ZNF233: variants seen among roughly 807,000 people sequenced by gnomAD.
ZNF233 encodes the protein zinc finger protein 233.
Under a neutral mutation model 11.6 loss-of-function variants are expected in ZNF233, and 7 were observed. The ratio of observed to expected loss-of-function variants is 0.60; its 90% CI spans 0.34 to 1.13. The LOEUF is 1.13. Ranked by LOEUF, ZNF233 falls within the 50% of genes most tolerant of loss-of-function variation. The pLI is 0.03. For missense variants in ZNF233, 711 were observed against 785.5 expected (o/e 0.91, Z 1.13); for synonymous variants, 226 against 268.5 (o/e 0.84, Z 1.55).
chr19:44,274,077 AT>A lies in ZNF233; in HGVS notation c.1418del (p.Ile473ThrfsTer233). On this transcript the variant is annotated frameshift_variant, in exon 5 of 5. Transcript: ENST00000683810. LOFTEE classifies it low-confidence loss of function (END_TRUNC). ...CTCAAATCTTCAAGCCCATCAGAGA[AT>A]CCACACTGGAGAGAAACCCTACAAA... is the stretch of plus-strand genomic sequence containing the variant. ...KASNLQAHQR[I>X]HTGEKPYKCD... is the part of the protein sequence containing the mutation. The A allele has an allele frequency of 1.9e-6, 3 of 1,596,646 alleles. No homozygotes were observed. The highest frequency in any genetic ancestry group is 2.5e-6 in the Non-Finnish European group (3 of 1,179,204).
Position 44,273,645 on chromosome 19 carries a change from C to T in ZNF233, c.985C>T (p.Leu329=), listed in dbSNP as rs770419326. 2 of 1,614,120 alleles carry T rather than the reference C, an allele frequency of 1.2e-6. No homozygotes were observed. Among genetic ancestry groups the T allele is most frequent in the Admixed American group, 1.7e-5 (1 of 60,010 alleles). ...TGAGGGCTTCAGTCAGGGCTCACATCTGCAACCTCATCAGAGAGTCAGCAC... is the reference window on the plus strand; with the variant it reads ...TGAGGGCTTCAGTCAGGGCTCACATTTGCAACCTCATCAGAGAGTCAGCAC... ...SGEGFSQGSH[L]QPHQRVSTGE... Residue 329 remains leucine (L), a synonymous_variant, in exon 5 of 5, where the codon CTG becomes TTG. Coordinates refer to ENST00000683810, the MANE Select transcript of ZNF233 (RefSeq NM_001207005.2).
chr19:44,263,570 C>T (rs1337468059), intron 1 of ZNF233, among the ~76,000 whole-genome samples: 1 of 152,096 alleles, frequency 6.6e-6, no homozygotes, highest in African/African-American at 2.4e-5. Flanking sequence ...GGAGATACAC[C>T]ATTGAGACTC....
chr19:44,266,237 A>G lies in ZNF233; in HGVS notation c.55A>G (p.Arg19Gly), dbSNP rs746805814. The change falls in exon 3 of 5, where the codon AGG (arginine) becomes GGG (glycine). Residue 19 changes from arginine to glycine, a missense_variant. By Grantham distance (125) the Arg-to-Gly change is moderately radical (BLOSUM62 -2). Coordinates refer to ENST00000683810, the MANE Select transcript of ZNF233 (RefSeq NM_001207005.2). ...TFKDVAVVFT[R>G]EELGLLDLAQ... Reference sequence around the variant, plus strand: ...CAAGGATGTGGCTGTGGTCTTCACCAGGGAGGAGCTGGGGTTGCTGGACCT... The same window carrying G: ...CAAGGATGTGGCTGTGGTCTTCACCGGGGAGGAGCTGGGGTTGCTGGACCT... 40 of 1,612,540 alleles carry G rather than the reference A, an allele frequency of 2.5e-5. No individual in the cohort carries two copies. The African/African-American group carries it at 4.3e-4, about 17-fold the overall frequency.
rs562542032 is a variant in ZNF233, at chr19:44,265,959, C to T, written c.16-239C>T. On this transcript the variant is annotated intron_variant, in intron 2 of 4. Transcript: ENST00000683810. Reference sequence around the variant, plus strand: ...TTACTGTTGGAATACTTACAAATGTCACCAAATTAAATACACAGGGGTTAT... The same window carrying T: ...TTACTGTTGGAATACTTACAAATGTTACCAAATTAAATACACAGGGGTTAT... 8.1e-4 allele frequency among the ~76,000 whole-genome samples: 123 copies of T among 152,298 alleles called. 1 individual carries two copies. Among genetic ancestry groups the T allele is most frequent in the African/African-American group, 2.8e-3 (117 of 41,558 alleles).
chr19:44,273,513 C>G lies in ZNF233; in HGVS notation c.853C>G (p.Pro285Ala), dbSNP rs1568637032. Residue 285 changes from proline (P) to alanine (A), a missense_variant, in exon 5 of 5, where the codon CCT (proline) becomes GCT (alanine). Pro to Ala is a conservative substitution (Grantham distance 27, BLOSUM62 -1). Transcript: ENST00000683810. ...CCAGCAACTACACTTAAGAGACAAG[C>G]CTCATGTAAATGTTGAGTACGGGAA... ...LHQQLHLRDK[P>A]HVNVEYGKGI... 5 of 1,614,204 alleles carry G rather than the reference C, an allele frequency of 3.1e-6. No individual in the cohort carries two copies. The highest frequency in any genetic ancestry group is 4.2e-6 in the Non-Finnish European group (5 of 1,180,040).
rs757895914 is a variant in ZNF233, at chr19:44,267,050, C to T, written c.238+89C>T. 5.3e-6 allele frequency: 5 copies of T among 945,612 alleles called. No homozygotes were observed. The African/African-American group carries it at 6.6e-5, about 12-fold the overall frequency. 58.6% of individuals were successfully genotyped at this position (945,612 alleles called of 1,614,324 possible). ...CCTCAGCCACCAGCCTGGCCCAAGA[C>T]CCCAGAATTCATCGCCCTGGTTTAC... On this transcript the variant is annotated intron_variant, in intron 4 of 4. Transcript: ENST00000683810.
chr19:44,274,173 G>A lies in ZNF233; in HGVS notation c.1513G>A (p.Glu505Lys). 1.2e-6 allele frequency: 2 copies of A among 1,614,122 alleles called. No homozygotes were observed. Among genetic ancestry groups the A allele is most frequent in the Non-Finnish European group, 1.7e-6 (2 of 1,180,022 alleles). ...LQAHQRVHTG[E>K]KPYKCDTCGK... ...GGCCCATCAGAGAGTCCATACAGGA[G>A]AGAAACCCTACAAATGTGACACATG... is the stretch of plus-strand genomic sequence containing the variant. The change falls in exon 5 of 5, where the codon GAG (glutamate) becomes AAG (lysine). Residue 505 changes from glutamate (E) to lysine (K), a missense_variant. Physicochemically the swap from Glu to Lys is moderately conservative, Grantham distance 56. Transcript: ENST00000683810.
At position 44,273,656 on chromosome 19, in the gene ZNF233, T is replaced by A. The variant is rs761258184; in HGVS notation, c.996T>A (p.His332Gln). 2.5e-6 allele frequency: 4 copies of A among 1,614,102 alleles called. No homozygotes were observed. Among genetic ancestry groups the A allele is most frequent in the Non-Finnish European group, 3.4e-6 (4 of 1,179,988 alleles). The change falls in exon 5 of 5, where the codon CAT becomes CAA. Residue 332 changes from histidine to glutamine, a missense_variant. Physicochemically the swap from His to Gln is conservative, Grantham distance 24. Transcript: ENST00000683810. ...GTCAGGGCTCACATCTGCAACCTCA[T>A]CAGAGAGTCAGCACAGGAGAGAACC... ...GFSQGSHLQP[H>Q]QRVSTGENLY...
Position 44,275,031 on chromosome 19 carries a change from T to C in ZNF233, c.*358T>C. 1 of 403,586 alleles carries C rather than the reference T, an allele frequency of 2.5e-6. No individual in the cohort carries two copies. The highest frequency in any genetic ancestry group is 4.4e-6 in the Non-Finnish European group (1 of 229,300). The allele number at this position is 403,586 out of a possible 1,614,324, so 25.0% of individuals were successfully genotyped here. The stretch of plus-strand genomic sequence containing the variant: ...GTAAGGTCAGAATTTAGCAAAAGTA[T>C]AATGAGGGACATGACAAAATCTGTG... On this transcript the variant is annotated 3_prime_UTR_variant, in exon 5 of 5. Coordinates refer to ENST00000683810, the MANE Select transcript of ZNF233 (RefSeq NM_001207005.2).
At chr19:44,266,085 G>C in intron 2 of ZNF233, 113 bp from the exon 3 acceptor site, 1 of 1,189,458 alleles carries the variant, frequency 8.4e-7, no homozygotes, top group Non-Finnish European at 1.1e-6. Context: ...GTTCATTCGA[G>C]GCCCTCACAA....
intron 1 of ZNF233, 95 bp downstream of exon 1, chr19:44,260,033 T>C: frequency 2.5e-6 from 1 of 402,226 alleles, no homozygotes; most frequent in Non-Finnish European, 5.1e-6. Flanking sequence ...TGAAGGGAAG[T>C]CGCAGAGGGC....
At chr19:44,260,831 G>C (rs1278980216) in intron 1 of ZNF233, among the ~76,000 whole-genome samples, 1 of 152,064 alleles carries the variant, frequency 6.6e-6, no homozygotes, top group Non-Finnish European at 1.5e-5. Flanking sequence ...TTTCCTGCTG[G>C]GCAAATGCTC....
chr19:44,271,254 C>A (rs1975229571), intron 4 of ZNF233, among the ~76,000 whole-genome samples: 1 of 152,124 alleles, frequency 6.6e-6, no homozygotes, highest in Non-Finnish European at 1.5e-5. Context: ...CTTATGGGTT[C>A]ATTCTCAAGA....
chr19:44,273,918 C>G lies in ZNF233; in HGVS notation c.1258C>G (p.His420Asp). The G allele has an allele frequency of 6.2e-7, 1 of 1,614,110 alleles. No homozygotes were observed. The highest frequency in any genetic ancestry group is 2.2e-5 in the East Asian group (1 of 44,886). ...TSQLQAHQRG[H>D]SRDKTYKWEV... is the part of the protein sequence containing the mutation. ...ACAACTTCAAGCCCATCAGAGAGGTCACTCTAGAGACAAGACATACAAATG... is the reference window on the plus strand; with the variant it reads ...ACAACTTCAAGCCCATCAGAGAGGTGACTCTAGAGACAAGACATACAAATG... Residue 420 changes from histidine to aspartate, a missense_variant, in exon 5 of 5, where the codon CAC (histidine) becomes GAC (aspartate). By Grantham distance (81) the His-to-Asp change is moderately conservative (BLOSUM62 -1). Transcript: ENST00000683810.
At position 44,273,455 on chromosome 19, in the gene ZNF233, A is replaced by G. The variant is rs1975299812; in HGVS notation, c.795A>G (p.Lys265=). 2 of 1,614,128 alleles carry G rather than the reference A, an allele frequency of 1.2e-6. No individual in the cohort carries two copies. The highest frequency in any genetic ancestry group is 1.7e-6 in the Non-Finnish European group (2 of 1,180,054). ...AGCAAACCTCTGATGAAAATGGAAA[A>G]GGCTTAAGTGTTGGCTCTAATCTTG... ...SGEQTSDENG[K]GLSVGSNLEL... is the part of the protein sequence containing the mutation. The change falls in exon 5 of 5, where the codon AAA becomes AAG. Residue 265 remains lysine (K), a synonymous_variant. Coordinates refer to ENST00000683810, the MANE Select transcript of ZNF233 (RefSeq NM_001207005.2).
chr19:44,275,107 C>T lies in ZNF233; in HGVS notation c.*434C>T, dbSNP rs899974986. The T allele has an allele frequency of 3.5e-5, 14 of 398,696 alleles. No homozygotes were observed. The highest frequency in any genetic ancestry group is 8.4e-5 in the Admixed American group (2 of 23,768). The allele number at this position is 398,696 out of a possible 1,614,324, so 24.7% of individuals were successfully genotyped here. Reference sequence around the variant, plus strand: ...GGAACATTGTTTACTGCTGCATGATCGTGACCTTGAACAAGTACCTAAGAA... The same window carrying T: ...GGAACATTGTTTACTGCTGCATGATTGTGACCTTGAACAAGTACCTAAGAA... On this transcript the variant is annotated 3_prime_UTR_variant, in exon 5 of 5. Transcript: ENST00000683810.
At position 44,259,886 on chromosome 19, in the gene ZNF233, G is replaced by C. The variant is rs1392694709; in HGVS notation, c.-100G>C. 2.2e-6 allele frequency: 1 copy of C among 455,948 alleles called. No homozygotes were observed. The highest frequency in any genetic ancestry group is 7.0e-5 in the East Asian group (1 of 14,294). 28.2% of individuals were successfully genotyped at this position (455,948 alleles called of 1,614,324 possible). A position where few individuals can be genotyped will look rare whatever the true frequency, so the allele number is the denominator to read the frequency against. On this transcript the variant is annotated 5_prime_UTR_variant, in exon 1 of 5. Transcript: ENST00000683810. The stretch of plus-strand genomic sequence containing the variant: ...GTAGTGCAGAAGCCGTTGCAACCTT[G>C]TGTACTTCCGCTGCAGGAGGGCGAA...
intron 4 of ZNF233, among the ~76,000 whole-genome samples, chr19:44,269,355 G>A (rs4803694): frequency 0.44 from 66,721 of 151,230 alleles, 16,410 homozygotes; most frequent in South Asian, 0.65. Flanking sequence ...GAGTGCAGTG[G>A]CGCAATCTTG....
At chr19:44,267,198 T>C (rs908933203) in intron 4 of ZNF233, 7 of 438,632 alleles carry the variant, frequency 1.6e-5, no homozygotes, top group African/African-American at 1.4e-4. Flanking sequence ...ACTTCCCATC[T>C]CACTCATTAA....
Sources: allele counts gnomAD v4.1 joint callset (sites outside exome capture counted in the v4.1 genomes callset), GRCh38; gene constraint gnomAD v4.1.1; transcripts MANE v1.5; gene names NCBI Gene and HGNC (gene_info 2026-07-23, HGNC 2026-07-21).